TSPAN9: variants seen among roughly 807,000 people sequenced by gnomAD.
The protein encoded by TSPAN9 is tetraspanin-9.
Under a neutral mutation model 31.0 loss-of-function variants are expected in TSPAN9, and 16 were observed. The observed-to-expected ratio is 0.52, with a 90% confidence interval of 0.35 to 0.78. The LOEUF is 0.78. TSPAN9 is among the 30% of genes least tolerant of loss of function. The pLI is 0.01. For synonymous variants in TSPAN9, 145 were observed against 121.6 expected (o/e 1.19, Z -1.27); for missense variants, 272 against 312.5 (o/e 0.87, Z 0.98).
chr12:3,235,039 C>T (rs368588356), intron 3 of TSPAN9, among the ~76,000 whole-genome samples: 58 of 148,312 alleles, frequency 3.9e-4, no homozygotes, highest in East Asian at 3.9e-4. Flanking sequence ...TGGTGGTGGG[C>T]GCCTGTAGTC....
intron 3 of TSPAN9, among the ~76,000 whole-genome samples, chr12:3,231,066 G>A (rs1197754881): frequency 6.6e-6 from 1 of 152,192 alleles, no homozygotes; most frequent in Non-Finnish European, 1.5e-5. Flanking sequence ...GTGCTTAGTC[G>A]AGAGAGTGCT....
intron 2 of TSPAN9, among the ~76,000 whole-genome samples, chr12:3,180,792 A>G (rs1364678732): frequency 6.6e-6 from 1 of 152,212 alleles, no homozygotes; most frequent in Non-Finnish European, 1.5e-5. Flanking sequence ...TCTAAAATAA[A>G]TTTGATCTTG....
intron 2 of TSPAN9, among the ~76,000 whole-genome samples, chr12:3,114,582 G>T (rs2098321127): frequency 6.6e-6 from 1 of 152,148 alleles, no homozygotes; most frequent in African/African-American, 2.4e-5. Context: ...CAGGCATGGT[G>T]GCTCACACCC....
chr12:3,247,308 C>G lies in TSPAN9; in HGVS notation c.64-31113C>G, dbSNP rs1157646703. ...TGAGCATTACTGGCCAGCCCCCCCC[C>G]CCCCGCCACCCGCGTCCCCAAGTAG... On this transcript the variant is annotated intron_variant, in intron 3 of 8. Transcript: ENST00000011898. Among the ~76,000 whole-genome samples, 10 of 50,994 alleles carry G rather than the reference C, an allele frequency of 2.0e-4. 2 individuals carry two copies. Among genetic ancestry groups the G allele is most frequent in the Non-Finnish European group, 5.7e-4 (7 of 12,340 alleles). The allele number at this position is 50,994 out of a possible 152,430, so 33.5% of individuals were successfully genotyped here. A position where few individuals can be genotyped will look rare whatever the true frequency, so the allele number is the denominator to read the frequency against.
At chr12:3,106,342 T>G (rs1324451700) in intron 2 of TSPAN9, among the ~76,000 whole-genome samples, 1 of 152,222 alleles carries the variant, frequency 6.6e-6, no homozygotes, top group Non-Finnish European at 1.5e-5. Context: ...TAGAGAGAGC[T>G]TGGAGAGACT....
chr12:3,267,791 A>G (rs562899872), intron 3 of TSPAN9, among the ~76,000 whole-genome samples: 1 of 152,274 alleles, frequency 6.6e-6, no homozygotes, highest in South Asian at 2.1e-4. Context: ...CCGGGGCCTC[A>G]GGCTGCCTCC....
chr12:3,198,217 GCACAGGT>G (rs1565610251), intron 2 of TSPAN9, among the ~76,000 whole-genome samples: 14 of 83,274 alleles, frequency 1.7e-4, no homozygotes, highest in Admixed American at 4.2e-4. Flanking sequence ...GTCACCACCA[GCACAGGT>G]CACCACCAGC....
At chr12:3,148,089 T>C (rs2098338151) in intron 2 of TSPAN9, among the ~76,000 whole-genome samples, 1 of 152,032 alleles carries the variant, frequency 6.6e-6, no homozygotes, top group Non-Finnish European at 1.5e-5. Flanking sequence ...GTGATTCCTT[T>C]GAAAGAAAGG....
At chr12:3,135,593 C>CT (rs775211337) in intron 2 of TSPAN9, among the ~76,000 whole-genome samples, 2 of 152,158 alleles carry the variant, frequency 1.3e-5, no homozygotes, top group Non-Finnish European at 2.9e-5. Context: ...GGCCCTGAGG[C>CT]TTGCTTGGTG....
intron 2 of TSPAN9, among the ~76,000 whole-genome samples, chr12:3,149,191 C>T (rs1012076731): frequency 1.3e-5 from 2 of 152,220 alleles, no homozygotes; most frequent in African/African-American, 4.8e-5. Context: ...AAGGGCTCCT[C>T]ACCTGCCTCC....
chr12:3,190,040 T>A (rs1242612373), intron 2 of TSPAN9, among the ~76,000 whole-genome samples: 1 of 152,202 alleles, frequency 6.6e-6, no homozygotes, highest in Non-Finnish European at 1.5e-5. Context: ...TCTGGGGCGC[T>A]GGTTCTTCTC....
At chr12:3,275,870 C>T (rs145184662) in intron 3 of TSPAN9, among the ~76,000 whole-genome samples, 3 of 152,254 alleles carry the variant, frequency 2.0e-5, no homozygotes, top group South Asian at 2.1e-4. Context: ...GTTAGTAATA[C>T]GTGGCGGTGT....
At chr12:3,203,194 G>A (rs1054778049) in intron 3 of TSPAN9, among the ~76,000 whole-genome samples, 1 of 151,376 alleles carries the variant, frequency 6.6e-6, no homozygotes, top group Admixed American at 6.6e-5. Context: ...AACTGCCTGC[G>A]GTGCCTTTCT....
At position 3,198,144 on chromosome 12, in the gene TSPAN9, T is replaced by TCACCACCAGCACAGGC. The variant is rs1565610203; in HGVS notation, c.-17-3018_-17-3003dup. Among the ~76,000 whole-genome samples, 9 of 27,370 alleles carry TCACCACCAGCACAGGC rather than the reference T, an allele frequency of 3.3e-4. 1 individual carries two copies. Among genetic ancestry groups the TCACCACCAGCACAGGC allele is most frequent in the East Asian group, 1.1e-3 (1 of 894 alleles). The allele number at this position is 27,370 out of a possible 152,430, so 18.0% of individuals were successfully genotyped here. On this transcript the variant is annotated intron_variant, in intron 2 of 8. Transcript: ENST00000011898. ...CAGCACAGGCCACCACCAGCACAGG[T>TCACCACCAGCACAGGC]CACCACCAGCACAGGCCACCACCAG...
intron 1 of TSPAN9, among the ~76,000 whole-genome samples, chr12:3,083,017 C>T (rs375579703): frequency 1.1e-4 from 17 of 152,204 alleles, no homozygotes; most frequent in African/African-American, 3.1e-4. Flanking sequence ...TGGCTTTCTC[C>T]GGAGTCATGT....
chr12:3,261,457 G>A (rs562332328), intron 3 of TSPAN9, among the ~76,000 whole-genome samples: 5 of 152,272 alleles, frequency 3.3e-5, no homozygotes, highest in African/African-American at 1.2e-4. Context: ...GCGCTGGCTC[G>A]AGCCTACGCT....
Position 3,224,730 on chromosome 12 carries a change from G to A in TSPAN9, c.63+23474G>A, listed in dbSNP as rs916349177. On this transcript the variant is annotated intron_variant, in intron 3 of 8. Coordinates refer to ENST00000011898, the MANE Select transcript of TSPAN9 (RefSeq NM_006675.5). ...GCGCCAGGGTGGCCGCGTGATGGGC[G>A]GGGGTAATGACAGCTGTCGGGTCTG... 6.6e-5 allele frequency among the ~76,000 whole-genome samples: 10 copies of A among 152,372 alleles called. No individual in the cohort carries two copies. In the South Asian group the frequency reaches 8.3e-4, roughly 13 times the overall value.
At chr12:3,276,340 T>G (rs1862785916) in intron 3 of TSPAN9, among the ~76,000 whole-genome samples, 1 of 152,190 alleles carries the variant, frequency 6.6e-6, no homozygotes, top group Admixed American at 6.5e-5. Context: ...CTGAGGACAC[T>G]TGCACGTTTC....
chr12:3,260,152 A>G (rs1860435), intron 3 of TSPAN9, among the ~76,000 whole-genome samples: 137,007 of 152,352 alleles, frequency 0.9, 61,796 homozygotes, highest in East Asian at 0.98. Flanking sequence ...CACTCCGCTC[A>G]ACGGGAGTCA....
Sources: gnomAD v4.1 joint callset for allele counts (sites outside exome capture counted in the v4.1 genomes callset) on GRCh38, gnomAD v4.1.1 for gene constraint, MANE v1.5 for transcripts, NCBI Gene and HGNC (gene_info 2026-07-23, HGNC 2026-07-21) for gene names.